EP400: variants seen among roughly 807,000 people sequenced by gnomAD.
The protein encoded by EP400 is E1A binding protein p400, also known as E1A-binding protein p400.
EP400 carries 105 observed loss-of-function variants against 354.1 expected under a neutral mutation model. The observed-to-expected ratio is 0.30, with a 90% confidence interval of 0.25 to 0.35. EP400 has a LOEUF of 0.35. EP400 is among the 10% of genes least tolerant of loss of function. EP400 has a pLI of 1.00. For missense variants in EP400, 3,280 were observed against 4,121.0 expected, an observed-to-expected ratio of 0.80 and a Z score of 5.59; for synonymous variants, 1,646 against 1,716.9, an observed-to-expected ratio of 0.96 and a Z score of 1.02.
chr12:131,997,730 T>C (rs1893264716), intron 12 of EP400, among the ~76,000 whole-genome samples: 1 of 146,990 alleles, frequency 6.8e-6, no homozygotes, highest in Non-Finnish European at 1.5e-5. Flanking sequence ...TTGAGTAGGA[T>C]GAGGAGGGAG....
At chr12:132,023,284 C>T (rs1175588709) in intron 23 of EP400, among the ~76,000 whole-genome samples, 3 of 149,502 alleles carry the variant, frequency 2.0e-5, no homozygotes, top group Admixed American at 2.0e-4. Flanking sequence ...AGGCGCCCAC[C>T]ACCATGCCCA....
chr12:132,005,123 C>T lies in EP400; in HGVS notation c.2874C>T (p.Phe958=). The change falls in exon 13 of 53, where the codon TTC becomes TTT. Residue 958 remains phenylalanine (F), a synonymous_variant. Coordinates refer to ENST00000389561, the MANE Select transcript of EP400 (RefSeq NM_015409.5). ...TGATGAAGCTGTACGAAGGCGCCTTCCTGCCGAGTTCTCAGTGGCCCCGGC... is the reference window on the plus strand; with the variant it reads ...TGATGAAGCTGTACGAAGGCGCCTTTCTGCCGAGTTCTCAGTGGCCCCGGC... ...LDLMKLYEGA[F]LPSSQWPRPK... The T allele has an allele frequency of 6.3e-7, 1 of 1,590,748 alleles. No homozygotes were observed. The highest frequency in any genetic ancestry group is 8.6e-7 in the Non-Finnish European group (1 of 1,168,824).
rs1009959594 is a variant in EP400 at position 132,032,003 on chromosome 12, C to G, written c.5805C>G (p.Leu1935=). ...NRDRRIFCAI[L]STHSRTTGIN... is the part of the protein sequence containing the mutation. ...ACAGGCGGATTTTTTGTGCCATTCT[C>G]TCCACTCACAGCCGTACCACAGGTA... Residue 1935 remains leucine, a synonymous_variant, in exon 30 of 53, where the codon CTC becomes CTG. Coordinates refer to ENST00000389561, the MANE Select transcript of EP400 (RefSeq NM_015409.5). 5.0e-6 allele frequency: 8 copies of G among 1,613,872 alleles called. No homozygotes were observed. The highest frequency in any genetic ancestry group is 6.8e-6 in the Non-Finnish European group (8 of 1,179,820).
In EP400 at chr12:131,994,111, C is replaced by T. The variant is rs1893129698; in HGVS notation, c.2738-756C>T. Reference sequence around the variant, plus strand: ...GGGTGTCGAGTACAGTCAGGAAAGGCAGCACCTGGAGGCCCAGCGACTTGT... The same window carrying T: ...GGGTGTCGAGTACAGTCAGGAAAGGTAGCACCTGGAGGCCCAGCGACTTGT... On this transcript the variant is annotated intron_variant, in intron 11 of 52. Transcript: ENST00000389561. This position sits in a 1 kb window ranked among gnomAD's most constrained non-coding sequence, Gnocchi z 4.6. Among the ~76,000 whole-genome samples the T allele has an allele frequency of 1.3e-5, 2 of 152,134 alleles. No homozygotes were observed. Among genetic ancestry groups the T allele is most frequent in the South Asian group, 4.1e-4 (2 of 4,820 alleles).
intron 30 of EP400, among the ~76,000 whole-genome samples, chr12:132,033,902 T>C (rs1894607660): frequency 6.6e-6 from 1 of 152,046 alleles, no homozygotes; most frequent in South Asian, 2.1e-4. Flanking sequence ...TGTTTTATTA[T>C]TATTTTTCTT....
chr12:131,968,845 T>A (rs1437262378), intron 2 of EP400, among the ~76,000 whole-genome samples: 1 of 152,190 alleles, frequency 6.6e-6, no homozygotes, highest in African/African-American at 2.4e-5. Context: ...CTTAAAAAAA[T>A]TTCCAGCTGT....
At chr12:131,973,528 A>G (rs1892369050) in intron 2 of EP400, among the ~76,000 whole-genome samples, 1 of 152,194 alleles carries the variant, frequency 6.6e-6, no homozygotes. Context: ...CCGTACTCCC[A>G]GCTACTTGAG....
At chr12:132,076,431 A>C (rs1565938367) in intron 51 of EP400, 85 bp from the exon 52 acceptor site, 1 of 1,362,414 alleles carries the variant, frequency 7.3e-7, no homozygotes, top group Admixed American at 1.9e-5. Flanking sequence ...TTTTGCATTA[A>C]CTGAGGACAG....
At chr12:132,058,001 G>C (rs1054144455) in intron 45 of EP400, among the ~76,000 whole-genome samples, 6 of 152,196 alleles carry the variant, frequency 3.9e-5, no homozygotes, top group African/African-American at 1.4e-4. Context: ...GCTGGAACAT[G>C]AGAGAGGTGC....
chr12:132,056,322 G>A (rs1023715815), intron 45 of EP400, among the ~76,000 whole-genome samples: 3 of 152,188 alleles, frequency 2.0e-5, no homozygotes, highest in South Asian at 2.1e-4. Flanking sequence ...TGAAGATGTC[G>A]TTGCTGTAGT....
chr12:132,023,253 C>G (rs1245973079), intron 23 of EP400, among the ~76,000 whole-genome samples: 1 of 148,738 alleles, frequency 6.7e-6, no homozygotes, highest in Non-Finnish European at 1.5e-5. Flanking sequence ...CTGCCTCAGC[C>G]TCGTGTGTAG....
chr12:132,030,284 T>G (rs934069401), intron 29 of EP400, 126 bp downstream of exon 29: 4 of 1,151,138 alleles, frequency 3.5e-6, no homozygotes, highest in Non-Finnish European at 4.9e-6. Context: ...AATGAGCTTC[T>G]GAACTTTTTA....
At chr12:132,030,560 A>G (rs1160145483) in intron 29 of EP400, among the ~76,000 whole-genome samples, 3 of 152,228 alleles carry the variant, frequency 2.0e-5, no homozygotes, top group Non-Finnish European at 4.4e-5. Context: ...AGTGAGTCAG[A>G]CACTCTCATA....
At chr12:131,953,305 CCTT>C (rs1891581984) in intron 1 of EP400, among the ~76,000 whole-genome samples, 1 of 152,104 alleles carries the variant, frequency 6.6e-6, no homozygotes, top group African/African-American at 2.4e-5. Flanking sequence ...GGATTTATAA[CCTT>C]ATTATTTGGT....
chr12:131,966,562 CAAAA>C (rs534384776), intron 2 of EP400, among the ~76,000 whole-genome samples: 11 of 57,494 alleles, frequency 1.9e-4, no homozygotes, highest in Non-Finnish European at 2.1e-4. Context: ...TACCCTACCT[CAAAA>C]AAAAAAAAAA....
At position 132,030,056 on chromosome 12, in the gene EP400, A is replaced by T. The variant is rs748817959; in HGVS notation, c.5652A>T (p.Leu1884Phe). 1.9e-6 allele frequency: 3 copies of T among 1,614,096 alleles called. No homozygotes were observed. Among genetic ancestry groups the T allele is most frequent in the Admixed American group, 3.3e-5 (2 of 60,010 alleles). ...CTGAAGGACGTCGGGTGCTGATTTT[A>T]TCACAGATGATTCTTATGTTGGACA... ...LKSEGRRVLI[L>F]SQMILMLDIL... The change falls in exon 29 of 53, where the codon TTA (leucine) becomes TTT (phenylalanine). Residue 1884 changes from leucine (L) to phenylalanine (F), a missense_variant. By Grantham distance (22) the Leu-to-Phe change is conservative. Coordinates refer to ENST00000389561, the MANE Select transcript of EP400 (RefSeq NM_015409.5).
chr12:131,960,138 C>A (rs1403148108), intron 1 of EP400, among the ~76,000 whole-genome samples: 5 of 152,190 alleles, frequency 3.3e-5, no homozygotes, highest in Admixed American at 6.5e-5. Flanking sequence ...AAGTCCACAG[C>A]GTGAATGTTG....
chr12:131,951,231 T>C (rs1232275629), intron 1 of EP400, among the ~76,000 whole-genome samples: 1 of 151,538 alleles, frequency 6.6e-6, no homozygotes, highest in Non-Finnish European at 1.5e-5. Context: ...TTGTGTGTTT[T>C]AGTAGAGACG....
At chr12:132,061,348 T>G (rs1593382431) in intron 45 of EP400, among the ~76,000 whole-genome samples, 2 of 152,288 alleles carry the variant, frequency 1.3e-5, no homozygotes, top group South Asian at 4.1e-4. Flanking sequence ...ATACAGCAGC[T>G]GGGTGGAATG....
Sources: allele counts gnomAD v4.1 joint callset (sites outside exome capture counted in the v4.1 genomes callset), GRCh38; gene constraint gnomAD v4.1.1; non-coding constraint Gnocchi (gnomAD v3.1); transcripts MANE v1.5; gene names NCBI Gene and HGNC (gene_info 2026-07-23, HGNC 2026-07-21).